Variants in SLC31A2 observed in about 807,000 individuals in gnomAD.
The protein encoded by SLC31A2 is solute carrier family 31 member 2.
Under a neutral mutation model 14.4 loss-of-function variants are expected in SLC31A2, and 16 were observed. The ratio of observed to expected loss-of-function variants is 1.11; its 90% CI spans 0.75 to 1.69. The LOEUF is 1.69. Among genes scored for constraint, SLC31A2 ranks in the 40% most tolerant of loss-of-function variants. The pLI is 0.00. For synonymous variants in SLC31A2, 56 were observed against 68.7 expected (o/e 0.82, Z 0.91); for missense variants, 140 against 173.9 (o/e 0.81, Z 1.10).
chr9:113,157,459 C>T (rs1319582234), intron 1 of SLC31A2, among the ~76,000 whole-genome samples: 2 of 152,140 alleles, frequency 1.3e-5, no homozygotes, highest in Admixed American at 1.3e-4. Context: ...TGTCACATCC[C>T]GAGCCAGTTG....
At chr9:113,160,520 A>G (rs72756167) in intron 2 of SLC31A2, among the ~76,000 whole-genome samples, 80 of 152,376 alleles carry the variant, frequency 5.3e-4, no homozygotes, top group Non-Finnish European at 9.4e-4. Context: ...ATTTTGAAAT[A>G]TACAATAAAT....
intron 2 of SLC31A2, 55 bp downstream of exon 2, chr9:113,157,848 A>C: frequency 7.4e-7 from 1 of 1,351,164 alleles, no homozygotes; most frequent in Non-Finnish European, 1.1e-6. Context: ...GTACTAGGCA[A>C]GGGAGAATCT....
intron 1 of SLC31A2, among the ~76,000 whole-genome samples, chr9:113,152,728 G>T (rs7852229): frequency 0.46 from 70,356 of 152,146 alleles, 16,940 homozygotes; most frequent in Non-Finnish European, 0.54. Context: ...TATCGCCAGG[G>T]TCTGCACAGA....
rs1331289932 is a variant in SLC31A2 at position 113,157,745 on chromosome 9, G to C, written c.25G>C (p.Asp9His). Reference sequence around the variant, plus strand: ...CTTTCAGATGCATTTCATCTTCTCAGATACAGCGGTGCTTCTGTTTGATTT... The same window carrying C: ...CTTTCAGATGCATTTCATCTTCTCACATACAGCGGTGCTTCTGTTTGATTT... MAMHFIFS[D>H]TAVLLFDFWS... The change falls in exon 2 of 4, where the codon GAT becomes CAT. Residue 9 changes from aspartate to histidine, a missense_variant. Coordinates refer to ENST00000259392, the MANE Select transcript of SLC31A2 (RefSeq NM_001860.3). The C allele has an allele frequency of 6.2e-7, 1 of 1,613,002 alleles. No homozygotes were observed. Among genetic ancestry groups the C allele is most frequent in the Admixed American group, 1.7e-5 (1 of 59,912 alleles).
rs1258217969 is a variant in SLC31A2 at position 113,157,763 on chromosome 9, T to A, written c.43T>A (p.Phe15Ile). 3 of 1,613,224 alleles carry A rather than the reference T, an allele frequency of 1.9e-6. No individual in the cohort carries two copies. The South Asian group carries it at 3.3e-5, about 18-fold the overall frequency. The stretch of plus-strand genomic sequence containing the variant: ...CTTCTCAGATACAGCGGTGCTTCTG[T>A]TTGATTTCTGGAGTGTCCACAGTCC... ...FIFSDTAVLL[F>I]DFWSVHSPAG... The change falls in exon 2 of 4, where the codon TTT (phenylalanine) becomes ATT (isoleucine). Residue 15 changes from phenylalanine to isoleucine, a missense_variant. Physicochemically the swap from Phe to Ile is conservative, Grantham distance 21. Coordinates refer to ENST00000259392, the MANE Select transcript of SLC31A2 (RefSeq NM_001860.3).
rs1829864840 is a variant in SLC31A2 at position 113,151,432 on chromosome 9, A to G, written c.6+352A>G. 6.6e-6 allele frequency among the ~76,000 whole-genome samples: 1 copy of G among 151,972 alleles called. No individual in the cohort carries two copies. Among genetic ancestry groups the G allele is most frequent in the South Asian group, 2.1e-4 (1 of 4,822 alleles). On this transcript the variant is annotated intron_variant, in intron 1 of 3. Transcript: ENST00000259392. The surrounding 1 kb of genome is among the most constrained non-coding windows in gnomAD (Gnocchi z 4.2). Reference sequence around the variant, plus strand: ...TGGCCGGCGCCCCAGGGCGGAGAGCAGCGCCTTGGGAGATTCCAGGAAGGC... The same window carrying G: ...TGGCCGGCGCCCCAGGGCGGAGAGCGGCGCCTTGGGAGATTCCAGGAAGGC...
intron 3 of SLC31A2, chr9:113,162,326 A>C: frequency 4.6e-6 from 1 of 218,206 alleles, no homozygotes; most frequent in Middle Eastern, 1.7e-3. Context: ...ACATTTGTCT[A>C]GGCCACTTTT....
At chr9:113,157,010 A>G (rs1046287251) in intron 1 of SLC31A2, among the ~76,000 whole-genome samples, 2 of 152,204 alleles carry the variant, frequency 1.3e-5, no homozygotes, top group Non-Finnish European at 2.9e-5. Flanking sequence ...TGTTGTGACA[A>G]TGAAATGAGA....
intron 1 of SLC31A2, among the ~76,000 whole-genome samples, chr9:113,155,364 A>C (rs1829920751): frequency 6.6e-6 from 1 of 152,160 alleles, no homozygotes; most frequent in Non-Finnish European, 1.5e-5. Context: ...AGTTACTTAA[A>C]CTCTGTCTGC....
In SLC31A2 at chr9:113,161,508, G is replaced by C; in HGVS notation, c.74-1G>C. On this transcript the variant is annotated splice_acceptor_variant, in intron 2 of 3. Coordinates refer to ENST00000259392, the MANE Select transcript of SLC31A2 (RefSeq NM_001860.3). LOFTEE classifies it high-confidence loss of function. ...CTCCACAACTCTGCCTCCTTTGACA[G>C]GCATGGCCCTTTCGGTGTTGGTGCT... 1 of 1,613,896 alleles carries C rather than the reference G, an allele frequency of 6.2e-7. No homozygotes were observed. The highest frequency in any genetic ancestry group is 8.5e-7 in the Non-Finnish European group (1 of 1,179,860).
chr9:113,153,613 G>A (rs1185530409), intron 1 of SLC31A2, among the ~76,000 whole-genome samples: 1 of 152,218 alleles, frequency 6.6e-6, no homozygotes, highest in East Asian at 1.9e-4. Context: ...AGGCACCTGC[G>A]GAGATGTCAC....
chr9:113,152,444 C>T (rs7851648), intron 1 of SLC31A2: 56,045 of 152,222 alleles, frequency 0.37, 12,011 homozygotes, highest in Non-Finnish European at 0.48. Flanking sequence ...TCTGGGGCTT[C>T]GGACTCCGTG....
chr9:113,160,734 G>A (rs1830000554), intron 2 of SLC31A2, among the ~76,000 whole-genome samples: 1 of 152,078 alleles, frequency 6.6e-6, no homozygotes, highest in Non-Finnish European at 1.5e-5. Context: ...CAACCTCCAA[G>A]CACAAGTTTG....
At chr9:113,158,017 G>C (rs1829956583) in intron 2 of SLC31A2, 2 of 627,702 alleles carry the variant, frequency 3.2e-6, no homozygotes, top group Non-Finnish European at 6.1e-6. Context: ...CCGAGAGGCA[G>C]GGAGGCAGCT....
intron 1 of SLC31A2, chr9:113,152,406 G>C (rs41280211): frequency 0.022 from 3,356 of 152,398 alleles, 41 homozygotes; most frequent in Middle Eastern, 0.037. Context: ...AAGTAGAAAG[G>C]GTTGAGTGAC....
At position 113,162,746 on chromosome 9, in the gene SLC31A2, T is replaced by C; in HGVS notation, c.264-3T>C. ...GATTAACTTGCTTCTCCTTTTTATC[T>C]AGGTGGTATTTGTGTCACTTTGGCC... On this transcript the variant is annotated splice_region_variant and splice_polypyrimidine_tract_variant and intron_variant, in intron 3 of 3. Coordinates refer to ENST00000259392, the MANE Select transcript of SLC31A2 (RefSeq NM_001860.3). 6.2e-7 allele frequency: 1 copy of C among 1,609,456 alleles called. No individual in the cohort carries two copies. The highest frequency in any genetic ancestry group is 8.5e-7 in the Non-Finnish European group (1 of 1,177,522).
intron 1 of SLC31A2, among the ~76,000 whole-genome samples, chr9:113,156,615 A>G (rs1433718359): frequency 6.6e-6 from 1 of 152,208 alleles, no homozygotes; most frequent in Non-Finnish European, 1.5e-5. Context: ...GGATCTCCTT[A>G]GCTGGGTAAC....
chr9:113,161,351 GTC>G, intron 2 of SLC31A2, 156 bp from the exon 3 acceptor site: 1 of 681,210 alleles, frequency 1.5e-6, no homozygotes, highest in Non-Finnish European at 2.5e-6. Context: ...GCTAAGAAAA[GTC>G]TGGTGAAGAC....
chr9:113,163,691 C>G lies in SLC31A2; in HGVS notation c.*774C>G, dbSNP rs2118843213. On this transcript the variant is annotated 3_prime_UTR_variant, in exon 4 of 4. Transcript: ENST00000259392. The stretch of plus-strand genomic sequence containing the variant: ...CTCTGATAGACTGAGCTCCTTCCAC[C>G]AGAAGGCACTGCCTGCAGGAAGAAG... The G allele has an allele frequency of 6.6e-6, 1 of 152,276 alleles. No individual in the cohort carries two copies. Among genetic ancestry groups the G allele is most frequent in the African/African-American group, 2.4e-5 (1 of 41,408 alleles). The allele number at this position is 152,276 out of a possible 1,614,324, so 9.4% of individuals were successfully genotyped here. A position where few individuals can be genotyped will look rare whatever the true frequency, so the allele number is the denominator to read the frequency against.
Sources: allele counts gnomAD v4.1 joint callset (sites outside exome capture counted in the v4.1 genomes callset), GRCh38; gene constraint gnomAD v4.1.1; non-coding constraint Gnocchi (gnomAD v3.1); transcripts MANE v1.5; gene names NCBI Gene and HGNC (gene_info 2026-07-23, HGNC 2026-07-21).